Variants in DRICH1 observed in about 807,000 individuals in gnomAD.
DRICH1 encodes the protein aspartate rich 1.
A neutral mutation model predicts 39.5 loss-of-function variants in DRICH1; 38 were observed. The ratio of observed to expected loss-of-function variants is 0.96; its 90% CI spans 0.74 to 1.26. The LOEUF (loss-of-function observed/expected upper bound fraction) is 1.26. Ranked by LOEUF, DRICH1 falls within the 50% of genes most tolerant of loss-of-function variation. DRICH1 has a pLI of 0.00. For missense variants in DRICH1, 279 were observed against 270.4 expected, an observed-to-expected ratio of 1.03 and a Z score of -0.22; for synonymous variants, 84 against 99.5, an observed-to-expected ratio of 0.84 and a Z score of 0.93.
At chr22:23,598,090 C>A in the DRICH1 span, among the ~76,000 whole-genome samples, 6 of 150,530 alleles carry the variant, frequency 4.0e-5, no homozygotes, top group East Asian at 9.7e-4. Flanking sequence ...GGTGAATCCC[C>A]CACCCCCATC....
At chr22:23,602,843 G>A in the DRICH1 span, among the ~76,000 whole-genome samples, 3 of 151,976 alleles carry the variant, frequency 2.0e-5, no homozygotes, top group Non-Finnish European at 4.4e-5. Context: ...TGTTTCAAAA[G>A]TTTAAATGTT....
Position 23,614,144 on chromosome 22 carries a change from A to G in DRICH1, c.612T>C (p.Asp204=). 1 of 1,610,714 alleles carries G rather than the reference A, an allele frequency of 6.2e-7. No individual in the cohort carries two copies. The highest frequency in any genetic ancestry group is 8.5e-7 in the Non-Finnish European group (1 of 1,176,848). ...RHKDEEEEDD[D]DIHITARIES... ...AAAAGGGAGGTCTTACGTGGATGTC[A>G]TCATCATCTTCTTCTTCTTCATCTT... is the stretch of plus-strand genomic sequence containing the variant. Residue 204 remains aspartate, a synonymous_variant, in exon 9 of 12, where the codon GAT becomes GAC. Coordinates refer to ENST00000317749, the MANE Select transcript of DRICH1 (RefSeq NM_016449.4).
chr22:23,624,707 G>C (rs1216647823), intron 3 of DRICH1, among the ~76,000 whole-genome samples, 176 bp downstream of exon 3: 2 of 152,102 alleles, frequency 1.3e-5, no homozygotes, highest in Admixed American at 6.5e-5. Flanking sequence ...TCTCCTCATT[G>C]GTCCTCTGGG....
chr22:23,625,940 AAAGCAAC>A, intron 2 of DRICH1, 34 bp downstream of exon 2: 1 of 1,525,110 alleles, frequency 6.6e-7, no homozygotes, highest in Non-Finnish European at 9.0e-7. Context: ...TGACATCAGG[AAAGCAAC>A]ATTTCCTTAG....
At chr22:23,592,990 T>TCACTG in the DRICH1 span, among the ~76,000 whole-genome samples, 1 of 150,724 alleles carries the variant, frequency 6.6e-6, no homozygotes. Context: ...CATGATCGTG[T>TCACTG]CACTGCACTC....
chr22:23,598,161 G>T, the DRICH1 span, among the ~76,000 whole-genome samples: 1 of 147,956 alleles, frequency 6.8e-6, no homozygotes, highest in African/African-American at 2.5e-5. Context: ...AGGCCTCCCT[G>T]GCCAACCCCT....
At chr22:23,626,125 G>A (rs992409487) in intron 1 of DRICH1, 77 bp from the exon 2 acceptor site, 40 of 968,158 alleles carry the variant, frequency 4.1e-5, no homozygotes, top group Non-Finnish European at 5.2e-5. Context: ...TGCTGGATGC[G>A]GCACATGGAG....
chr22:23,629,300 A>C (rs995976762), intron 1 of DRICH1, among the ~76,000 whole-genome samples: 1 of 152,104 alleles, frequency 6.6e-6, no homozygotes, highest in Non-Finnish European at 1.5e-5. Flanking sequence ...CGGCCTCCCA[A>C]AGTGCTGGGA....
chr22:23,593,893 G>A, the DRICH1 span, among the ~76,000 whole-genome samples: 4 of 151,680 alleles, frequency 2.6e-5, no homozygotes, highest in Non-Finnish European at 4.4e-5. Flanking sequence ...GAGGAGAATC[G>A]CTTGAACCCG....
chr22:23,603,086 A>ACCTCCG, the DRICH1 span, among the ~76,000 whole-genome samples: 2 of 149,544 alleles, frequency 1.3e-5, no homozygotes, highest in Non-Finnish European at 3.0e-5. Context: ...GCTCACTGCA[A>ACCTCCG]CCTCCGCCTC....
At chr22:23,625,569 T>TTCTTATCAGCCTGACCAAG (rs1163013488) in intron 2 of DRICH1, among the ~76,000 whole-genome samples, 3 of 152,188 alleles carry the variant, frequency 2.0e-5, no homozygotes, top group African/African-American at 4.8e-5. Context: ...GCTTTGTCTG[T>TTCTTATCAGCCTGACCAAG]TCTTATCAGC....
At chr22:23,591,838 C>T in the DRICH1 span, among the ~76,000 whole-genome samples, 9,381 of 152,298 alleles carry the variant, frequency 0.062, 337 homozygotes, top group African/African-American at 0.1. Flanking sequence ...TTTCTCCTTT[C>T]CCACGAACCA....
the DRICH1 span, among the ~76,000 whole-genome samples, chr22:23,600,765 C>CGCG: frequency 6.6e-6 from 1 of 151,830 alleles, no homozygotes; most frequent in African/African-American, 2.4e-5. Flanking sequence ...CTCTGCCTCC[C>CGCG]GGGTTCACAC....
the DRICH1 span, among the ~76,000 whole-genome samples, chr22:23,584,333 C>G: frequency 6.6e-6 from 1 of 152,146 alleles, no homozygotes; most frequent in African/African-American, 2.4e-5. Flanking sequence ...ATCTAGTCAC[C>G]TCTGCCCTGC....
At chr22:23,604,985 C>T (rs962483944), downstream of DRICH1, among the ~76,000 whole-genome samples, 1 of 152,138 alleles carries the variant, frequency 6.6e-6, no homozygotes, top group African/African-American at 2.4e-5. Flanking sequence ...GTGCAATTGT[C>T]CAAGGTACTC....
downstream of DRICH1, among the ~76,000 whole-genome samples, chr22:23,604,174 C>T (rs546888452): frequency 6.6e-6 from 1 of 152,232 alleles, no homozygotes; most frequent in East Asian, 1.9e-4. Context: ...CCAGGACTCC[C>T]CAGATGAGTC....
At chr22:23,584,961 G>C in the DRICH1 span, among the ~76,000 whole-genome samples, 1 of 152,096 alleles carries the variant, frequency 6.6e-6, no homozygotes, top group Non-Finnish European at 1.5e-5. Flanking sequence ...CCCTCTATGT[G>C]CTGATTTATC....
At chr22:23,605,813 G>A (rs1025031707), downstream of DRICH1, among the ~76,000 whole-genome samples, 8 of 152,112 alleles carry the variant, frequency 5.3e-5, no homozygotes, top group Non-Finnish European at 7.4e-5. Flanking sequence ...TTAATTATGG[G>A]CTCATGCCTG....
rs1012556120 is a variant in DRICH1 at position 23,611,847 on chromosome 22, G to A, written c.685+1442C>T. Among the ~76,000 whole-genome samples the A allele has an allele frequency of 3.3e-5, 5 of 152,074 alleles. 1 individual carries two copies. The highest frequency in any genetic ancestry group is 1.9e-4 in the East Asian group (1 of 5,182). ...GGTGTAAACAAACCTACTGCGCTGC[G>A]TCATTACAGTAAAACAACACTTCTT... On this transcript the variant is annotated intron_variant, in intron 11 of 11. Coordinates refer to ENST00000317749, the MANE Select transcript of DRICH1 (RefSeq NM_016449.4).
Sources: allele counts gnomAD v4.1 joint callset (sites outside exome capture counted in the v4.1 genomes callset), GRCh38; gene constraint gnomAD v4.1.1; transcripts MANE v1.5; gene names NCBI Gene and HGNC (gene_info 2026-07-23, HGNC 2026-07-21).